Variants in KCNU1 observed in about 807,000 individuals in gnomAD.
KCNU1 encodes the protein potassium channel subfamily U member 1.
In KCNU1, 93 loss-of-function variants were observed where a neutral mutation model predicts 126.8. The ratio of observed to expected loss-of-function variants is 0.73; its 90% CI spans 0.62 to 0.87. The LOEUF (loss-of-function observed/expected upper bound fraction) is 0.87, where lower values mean the gene tolerates loss of function less well. Ranked by LOEUF, KCNU1 falls within the 40% of genes least tolerant of loss-of-function variation. The pLI, the probability that KCNU1 is intolerant of heterozygous loss-of-function variation, is 0.00. For missense variants in KCNU1, 1,330 were observed against 1,367.1 expected (o/e 0.97, Z 0.43); for synonymous variants, 523 against 494.2 (o/e 1.06, Z -0.77).
At chr8:36,908,412 T>C (rs1163013763) in intron 20 of KCNU1, among the ~76,000 whole-genome samples, 4 of 152,112 alleles carry the variant, frequency 2.6e-5, no homozygotes, top group African/African-American at 9.7e-5. Flanking sequence ...ATGGTACATG[T>C]GCACAATGTG....
rs761098678 is a variant in KCNU1, at chr8:36,784,618, G to C, written c.195+13G>C. On this transcript the variant is annotated intron_variant, in intron 1 of 26. Coordinates refer to ENST00000399881, the MANE Select transcript of KCNU1 (RefSeq NM_001031836.3). ...AGGAATTATCTTGGTCAGTTTCCTT[G>C]TTAGGGATCCCTCTGTGTGAAGTCA... 1 of 1,594,256 alleles carries C rather than the reference G, an allele frequency of 6.3e-7. No homozygotes were observed. Among genetic ancestry groups the C allele is most frequent in the South Asian group, 1.1e-5 (1 of 88,978 alleles).
chr8:36,800,856 A>G (rs2130388093), intron 2 of KCNU1, among the ~76,000 whole-genome samples: 2 of 152,362 alleles, frequency 1.3e-5, no homozygotes, highest in East Asian at 3.9e-4. Context: ...AGAAAACTGC[A>G]GTAGAGTTCA....
chr8:36,901,163 A>G (rs768980184), intron 19 of KCNU1, among the ~76,000 whole-genome samples: 3 of 152,146 alleles, frequency 2.0e-5, no homozygotes, highest in Non-Finnish European at 4.4e-5. Context: ...CACCTTCAAG[A>G]ATCATCTGAG....
Position 36,787,298 on chromosome 8 carries a change from G to T in KCNU1, c.196-8G>T. 1 of 1,601,966 alleles carries T rather than the reference G, an allele frequency of 6.2e-7. No individual in the cohort carries two copies. The highest frequency in any genetic ancestry group is 1.1e-5 in the South Asian group (1 of 88,852). On this transcript the variant is annotated splice_polypyrimidine_tract_variant and splice_region_variant and intron_variant, in intron 1 of 26. Coordinates refer to ENST00000399881, the MANE Select transcript of KCNU1 (RefSeq NM_001031836.3). ...CTCACATTGTCAATTTCTTTCTCTT[G>T]ATTGTAGGAACTGTTCACATCAGGT...
At chr8:36,829,967 A>T (rs375670024) in intron 10 of KCNU1, among the ~76,000 whole-genome samples, 3 of 150,544 alleles carry the variant, frequency 2.0e-5, no homozygotes, top group Admixed American at 6.6e-5. Context: ...ATCTAACCAC[A>T]TAAATTTTAT....
chr8:36,917,239 C>T (rs1291527396), intron 22 of KCNU1, among the ~76,000 whole-genome samples: 2 of 152,184 alleles, frequency 1.3e-5, no homozygotes, highest in Non-Finnish European at 2.9e-5. Flanking sequence ...CTTACATCCT[C>T]AGAAAACTTT....
intron 19 of KCNU1, among the ~76,000 whole-genome samples, chr8:36,885,381 C>A (rs189352031): frequency 1.3e-5 from 2 of 151,966 alleles, no homozygotes; most frequent in African/African-American, 4.8e-5. Flanking sequence ...ATGATGAAAC[C>A]CCGTCTTTAG....
intron 25 of KCNU1, 89 bp from the exon 26 acceptor site, chr8:36,932,831 C>A: frequency 1.4e-6 from 1 of 730,530 alleles, no homozygotes; most frequent in Non-Finnish European, 2.4e-6. Context: ...GCTTCTACTA[C>A]CAGATAAAGC....
chr8:36,828,742 G>C (rs1029124195), intron 10 of KCNU1, among the ~76,000 whole-genome samples: 1 of 152,026 alleles, frequency 6.6e-6, no homozygotes, highest in Non-Finnish European at 1.5e-5. Context: ...ATGAAATAGT[G>C]TTTCTGTGTG....
At chr8:36,796,086 G>A (rs1000175652) in intron 2 of KCNU1, among the ~76,000 whole-genome samples, 5 of 152,080 alleles carry the variant, frequency 3.3e-5, no homozygotes, top group African/African-American at 7.2e-5. Flanking sequence ...TATTTTTATT[G>A]ATGCATAATT....
chr8:36,880,694 A>G (rs1350675215), intron 19 of KCNU1, among the ~76,000 whole-genome samples: 3 of 152,126 alleles, frequency 2.0e-5, no homozygotes, highest in African/African-American at 7.2e-5. Context: ...CAAGCAAGAG[A>G]TGAGGTGGCT....
intron 16 of KCNU1, among the ~76,000 whole-genome samples, 177 bp downstream of exon 16, chr8:36,841,180 T>C (rs1022684315): frequency 1.3e-5 from 2 of 151,990 alleles, no homozygotes; most frequent in Admixed American, 1.3e-4. Context: ...GTGCTGTCTC[T>C]GATGGCTCAG....
chr8:36,788,287 A>C (rs1251832895), intron 2 of KCNU1, among the ~76,000 whole-genome samples: 2 of 152,148 alleles, frequency 1.3e-5, no homozygotes, highest in African/African-American at 4.8e-5. Context: ...ATTGCTATTA[A>C]AATTATCTGT....
chr8:36,885,469 C>T (rs147121173), intron 19 of KCNU1, among the ~76,000 whole-genome samples: 474 of 152,170 alleles, frequency 3.1e-3, no homozygotes, highest in Non-Finnish European at 5.0e-3. Flanking sequence ...GCAGGAGAAT[C>T]GCTTAAAGCC....
intron 19 of KCNU1, among the ~76,000 whole-genome samples, chr8:36,901,025 A>G (rs950113371): frequency 1.3e-5 from 2 of 152,102 alleles, no homozygotes; most frequent in Admixed American, 6.6e-5. Flanking sequence ...TAGAATGGTC[A>G]TAAGCCAGGA....
chr8:36,839,184 G>A (rs757288201), intron 14 of KCNU1, among the ~76,000 whole-genome samples: 7 of 152,118 alleles, frequency 4.6e-5, no homozygotes, highest in Non-Finnish European at 7.3e-5. Flanking sequence ...ATTGTAGCTC[G>A]AAGAACATTT....
rs115442473 is a variant in KCNU1, at chr8:36,825,960, T to C, written c.1107-7594T>C. Among the ~76,000 whole-genome samples, 370 of 152,204 alleles carry C rather than the reference T, an allele frequency of 2.4e-3. 4 individuals are homozygous for C. Among genetic ancestry groups the C allele is most frequent in the African/African-American group, 8.5e-3 (355 of 41,570 alleles). ...CAAAGGTCATACATTTTACTTAATA[T>C]GGTTGTATGTTATAATTTTCCTATG... On this transcript the variant is annotated intron_variant, in intron 10 of 26. Coordinates refer to ENST00000399881, the MANE Select transcript of KCNU1 (RefSeq NM_001031836.3).
intron 10 of KCNU1, among the ~76,000 whole-genome samples, chr8:36,824,598 A>C (rs2130505904): frequency 6.6e-6 from 1 of 152,296 alleles, no homozygotes; most frequent in Non-Finnish European, 1.5e-5. Flanking sequence ...TAGCTAGCAC[A>C]CCAACACAAC....
chr8:36,811,056 C>T (rs546971484), intron 7 of KCNU1, among the ~76,000 whole-genome samples: 4 of 152,050 alleles, frequency 2.6e-5, no homozygotes, highest in Non-Finnish European at 5.9e-5. Flanking sequence ...CAAAATGTAA[C>T]AAATTTGACA....
Sources: allele counts gnomAD v4.1 joint callset (sites outside exome capture counted in the v4.1 genomes callset), GRCh38; gene constraint gnomAD v4.1.1; transcripts MANE v1.5; gene names NCBI Gene and HGNC (gene_info 2026-07-23, HGNC 2026-07-21).